Variants in ACIN1 observed in about 807,000 individuals in gnomAD.
The protein encoded by ACIN1 is apoptotic chromatin condensation inducer in the nucleus.
In ACIN1, 16 loss-of-function variants were observed where a neutral mutation model predicts 146.6. That is an observed-to-expected ratio of 0.11 (90% CI 0.07 to 0.17). The LOEUF (loss-of-function observed/expected upper bound fraction) is 0.17, where lower values mean the gene tolerates loss of function less well. ACIN1 is among the 10% of genes least tolerant of loss of function. The probability of loss-of-function intolerance (pLI) is 1.00; values close to 1 mark genes in which losing one functional copy is unlikely to be tolerated. For synonymous variants in ACIN1, 569 were observed against 582.7 expected (o/e 0.98, Z 0.34); for missense variants, 1,357 against 1,609.3 (o/e 0.84, Z 2.68).
intron 8 of ACIN1, chr14:23,071,224 A>C: frequency 6.6e-7 from 1 of 1,516,918 alleles, no homozygotes; most frequent in South Asian, 1.3e-5. Context: ...AACAAAAAAA[A>C]TCCTAAAAAA....
At chr14:23,093,599 A>C (rs1594792939) in intron 1 of ACIN1, 55 bp from the exon 2 acceptor site, 4 of 1,420,568 alleles carry the variant, frequency 2.8e-6, no homozygotes, top group Non-Finnish European at 3.0e-6. Context: ...AGAAAAACAA[A>C]CCCCCACCTC....
intron 14 of ACIN1, 166 bp downstream of exon 14, chr14:23,062,763 C>T (rs758504812): frequency 4.1e-4 from 391 of 953,286 alleles, no homozygotes; most frequent in Non-Finnish European, 5.7e-4. Context: ...CAGCTTTTCC[C>T]CCTCATTTTT....
chr14:23,070,603 C>T (rs184175152), intron 8 of ACIN1, among the ~76,000 whole-genome samples: 132 of 152,224 alleles, frequency 8.7e-4, no homozygotes, highest in African/African-American at 2.2e-3. Context: ...TTTCTGTCTT[C>T]GTCCCCAACT....
chr14:23,090,706 A>C (rs1012435697), intron 2 of ACIN1, 73 bp from the exon 3 acceptor site: 2 of 1,204,864 alleles, frequency 1.7e-6, no homozygotes, highest in Admixed American at 2.0e-5. Context: ...CATTCCATGG[A>C]GCAAAGGTCC....
In ACIN1 at chr14:23,069,496, C is replaced by T. The variant is rs1199069790; in HGVS notation, c.2245G>A (p.Glu749Lys). The T allele has an allele frequency of 6.2e-7, 1 of 1,613,862 alleles. No homozygotes were observed. Among genetic ancestry groups the T allele is most frequent in the Admixed American group, 1.7e-5 (1 of 59,966 alleles). ...SNDDRPEGSV[E>K]DEEKKESSLP... Reference sequence around the variant, plus strand: ...TTTACCTCTTTCTTCTCCTCATCTTCAACACTGCCCTCCGGGCGGTCATCA... The same window carrying T: ...TTTACCTCTTTCTTCTCCTCATCTTTAACACTGCCCTCCGGGCGGTCATCA... Residue 749 changes from glutamate to lysine, a missense_variant, in exon 9 of 19, where the codon GAA becomes AAA. Physicochemically the swap from Glu to Lys is moderately conservative, Grantham distance 56. Coordinates refer to ENST00000605057, the MANE Select transcript of ACIN1 (RefSeq NM_001386863.1).
intron 13 of ACIN1, 47 bp from the exon 14 acceptor site, chr14:23,063,121 G>T (rs755965448): frequency 9.1e-6 from 14 of 1,542,250 alleles, no homozygotes; most frequent in Non-Finnish European, 1.2e-5. Context: ...AGCAATACTG[G>T]CTCTTTTCAC....
Position 23,090,066 on chromosome 14 carries a change from G to T in ACIN1, c.352C>A (p.Pro118Thr). 1 of 1,614,018 alleles carries T rather than the reference G, an allele frequency of 6.2e-7. No homozygotes were observed. Among genetic ancestry groups the T allele is most frequent in the Non-Finnish European group, 8.5e-7 (1 of 1,179,982 alleles). The change falls in exon 4 of 19, where the codon CCT (proline) becomes ACT (threonine). Residue 118 changes from proline to threonine, a missense_variant. Pro to Thr is a conservative substitution (Grantham distance 38). Coordinates refer to ENST00000605057, the MANE Select transcript of ACIN1 (RefSeq NM_001386863.1). ...GGCAGCAGGGAAGCCACTCCCTCAG[G>T]ATGGATCATCTCGTCCTCCGACTCA... ...SAESEDEMIH[P>T]EGVASLLPPD... is the part of the protein sequence containing the mutation.
intron 10 of ACIN1, 30 bp from the exon 11 acceptor site, chr14:23,064,518 G>A (rs1770912177): frequency 1.2e-6 from 2 of 1,612,026 alleles, no homozygotes; most frequent in Admixed American, 1.7e-5. Flanking sequence ...CCAACAGTTA[G>A]ATGGTCTCAG....
intron 8 of ACIN1, chr14:23,071,477 G>A (rs1354192339): frequency 3.9e-6 from 6 of 1,551,636 alleles, no homozygotes; most frequent in African/African-American, 2.7e-5. Context: ...GGAGGAAGAG[G>A]GCCAGGCTGC....
intron 8 of ACIN1, among the ~76,000 whole-genome samples, chr14:23,072,960 C>T (rs773478274): frequency 1.3e-5 from 2 of 152,210 alleles, no homozygotes. Flanking sequence ...ATACCTATTT[C>T]ATGGAACAGT....
chr14:23,094,424 T>C (rs1244871361), intron 1 of ACIN1: 3 of 974,388 alleles, frequency 3.1e-6, no homozygotes, highest in African/African-American at 3.5e-5. Context: ...AAATTGCCAC[T>C]AGATGCCACT....
chr14:23,071,945 G>A (rs1229003333), intron 8 of ACIN1, among the ~76,000 whole-genome samples: 4 of 152,200 alleles, frequency 2.6e-5, no homozygotes, highest in African/African-American at 9.6e-5. Flanking sequence ...GATTAAAGAA[G>A]GATGGTAATG....
At chr14:23,082,842 C>T (rs181990647) in intron 4 of ACIN1, among the ~76,000 whole-genome samples, 5 of 151,606 alleles carry the variant, frequency 3.3e-5, no homozygotes, top group Non-Finnish European at 5.9e-5. Flanking sequence ...CAGGTTCAAG[C>T]GATTCTCCTG....
intron 18 of ACIN1, among the ~76,000 whole-genome samples, chr14:23,060,469 T>C (rs1347728384): frequency 6.6e-6 from 1 of 152,166 alleles, no homozygotes; most frequent in Non-Finnish European, 1.5e-5. Context: ...GGGAAATGAA[T>C]TTATAAAACA....
intron 10 of ACIN1, 77 bp from the exon 11 acceptor site, chr14:23,064,565 ACCT>A (rs2047390315): frequency 6.5e-7 from 1 of 1,540,930 alleles, no homozygotes; most frequent in African/African-American, 1.4e-5. Context: ...CCTACAGGTT[ACCT>A]CTGGCTGGAG....
Position 23,061,329 on chromosome 14 carries a change from C to A in ACIN1, c.3393G>T (p.Ala1131=). The change falls in exon 17 of 19, where the codon GCG becomes GCT. Residue 1131 remains alanine, a synonymous_variant. Coordinates refer to ENST00000605057, the MANE Select transcript of ACIN1 (RefSeq NM_001386863.1). ...TCTCACTCTTCTTTTCTTTAGACTT[C>A]GCACGTTCCTTGCGGCGGCGGTCAC... ...RSRDRRRKER[A]KSKEKKSEKK... 1 of 1,614,100 alleles carries A rather than the reference C, an allele frequency of 6.2e-7. No individual in the cohort carries two copies. Among genetic ancestry groups the A allele is most frequent in the Admixed American group, 1.7e-5 (1 of 60,026 alleles).
chr14:23,066,082 T>C (rs887323304), intron 9 of ACIN1, 74 bp from the exon 10 acceptor site: 16 of 1,232,694 alleles, frequency 1.3e-5, no homozygotes, highest in Admixed American at 3.5e-5. Context: ...GGAGGTTAGA[T>C]GGGGCAGTCT....
In ACIN1 at chr14:23,093,505, G is replaced by A; in HGVS notation, c.178C>T (p.His60Tyr). The change falls in exon 2 of 19, where the codon CAT (histidine) becomes TAT (tyrosine). Residue 60 changes from histidine to tyrosine, a missense_variant. His to Tyr is a moderately conservative substitution (Grantham distance 83). Around this residue, in one of 4 missense-constraint regions of ACIN1, gnomAD observed 55 missense variants for 123.9 expected, o/e 0.44. Transcript: ENST00000605057. Reference sequence around the variant, plus strand: ...TGGGAATTTGGCTGGAATGCAGCATGGGGTGTTGAGTGTTTCTGTAAATTT... The same window carrying A: ...TGGGAATTTGGCTGGAATGCAGCATAGGGTGTTGAGTGTTTCTGTAAATTT... ...LENLQKHSTP[H>Y]AAFQPNSQIG... 6.2e-7 allele frequency: 1 copy of A among 1,614,106 alleles called. No homozygotes were observed. The highest frequency in any genetic ancestry group is 1.1e-5 in the South Asian group (1 of 91,084).
intron 4 of ACIN1, among the ~76,000 whole-genome samples, chr14:23,088,866 AT>A (rs1252253143): frequency 1.3e-5 from 2 of 152,184 alleles, no homozygotes; most frequent in Non-Finnish European, 2.9e-5. Context: ...TCTGATGAGC[AT>A]TTCCTTTGAG....
Sources: allele counts gnomAD v4.1 joint callset (sites outside exome capture counted in the v4.1 genomes callset), GRCh38; gene constraint gnomAD v4.1.1; regional missense constraint gnomAD v4.1.1; transcripts MANE v1.5; gene names NCBI Gene and HGNC (gene_info 2026-07-23, HGNC 2026-07-21).